Variants in NCOA4 observed in about 807,000 individuals in gnomAD.
The protein encoded by NCOA4 is 70 kDa AR-activator.
A neutral mutation model predicts 69.5 loss-of-function variants in NCOA4; 31 were observed. The observed-to-expected ratio is 0.45, with a 90% CI of 0.34 to 0.60. The LOEUF (loss-of-function observed/expected upper bound fraction) is 0.60, where lower values mean the gene tolerates loss of function less well. Ranked by LOEUF, NCOA4 falls within the 20% of genes least tolerant of loss-of-function variation. The probability of loss-of-function intolerance (pLI) is 0.02; values close to 1 mark genes in which losing one functional copy is unlikely to be tolerated. For synonymous variants in NCOA4, 228 were observed against 252.4 expected, an observed-to-expected ratio of 0.90 and a Z score of 0.92; for missense variants, 600 against 719.2, an observed-to-expected ratio of 0.83 and a Z score of 1.90.
At chr10:46,007,315 G>A (rs781891000) in intron 9 of NCOA4, among the ~76,000 whole-genome samples, 2 of 152,182 alleles carry the variant, frequency 1.3e-5, no homozygotes, top group Non-Finnish European at 2.9e-5. Context: ...CAGAAGTCAT[G>A]TTTGAAGCTA....
chr10:46,018,954 T>G (rs1554923837), intron 1 of NCOA4, among the ~76,000 whole-genome samples: 1 of 152,154 alleles, frequency 6.6e-6, no homozygotes, highest in Non-Finnish European at 1.5e-5. Context: ...AAGTGGTGAG[T>G]TCTTCCCTCA....
intron 7 of NCOA4, 66 bp from the exon 8 acceptor site, chr10:46,011,272 C>T: frequency 6.7e-7 from 1 of 1,482,756 alleles, no homozygotes; most frequent in South Asian, 1.4e-5. Flanking sequence ...ATTCTGTCTG[C>T]ACTTTTTCTT....
chr10:46,008,284 T>C (rs528341678), intron 9 of NCOA4, among the ~76,000 whole-genome samples: 3 of 152,358 alleles, frequency 2.0e-5, no homozygotes, highest in Non-Finnish European at 4.4e-5. Flanking sequence ...CTGGGCAAAG[T>C]AAACTGAAAA....
chr10:46,009,609 T>G, intron 8 of NCOA4, 58 bp from the exon 9 acceptor site: 2 of 1,479,344 alleles, frequency 1.4e-6, no homozygotes, highest in Non-Finnish European at 1.8e-6. Context: ...TGAGACCAAC[T>G]TATCTTCCAA....
At chr10:46,009,082 T>C in intron 9 of NCOA4, 2 of 1,257,144 alleles carry the variant, frequency 1.6e-6, no homozygotes, top group South Asian at 1.3e-5. Flanking sequence ...CTCTCTTTAT[T>C]GGGATATTTG....
intron 1 of NCOA4, chr10:46,023,303 C>T: frequency 1.0e-6 from 1 of 985,586 alleles, no homozygotes. Flanking sequence ...AGGGCTCCCG[C>T]TACGGCCCCT....
At chr10:46,017,173 A>T (rs1482491185) in intron 1 of NCOA4, among the ~76,000 whole-genome samples, 3 of 152,214 alleles carry the variant, frequency 2.0e-5, no homozygotes, top group Admixed American at 2.0e-4. Context: ...CGGAATTTTT[A>T]ATTTCCCCCT....
At chr10:46,025,243 G>A (rs1184270534) in intron 1 of NCOA4, among the ~76,000 whole-genome samples, 1 of 152,210 alleles carries the variant, frequency 6.6e-6, no homozygotes, top group East Asian at 1.9e-4. Context: ...TCCAAAGACA[G>A]GAGAGGAAGA....
Position 46,010,694 on chromosome 10 carries a change from G to T in NCOA4, c.1227C>A (p.Pro409=), listed in dbSNP as rs1554921114. The change falls in exon 8 of 10, where the codon CCC becomes CCA. Residue 409 remains proline, a synonymous_variant. Coordinates refer to ENST00000581486, the MANE Select transcript of NCOA4 (RefSeq NM_001145263.2). ...KVEEVCRANE[P]CTSFAECVCD... is the part of the protein sequence containing the mutation. ...ACACACACTCTGCAAAGCTTGTGCA[G>T]GGCTCATTGGCTCTGCACACCTCCT... The T allele has an allele frequency of 1.2e-6, 2 of 1,614,054 alleles. No homozygotes were observed.
intron 2 of NCOA4, among the ~76,000 whole-genome samples, chr10:46,015,904 G>A (rs2132343342): frequency 6.6e-6 from 1 of 152,234 alleles, no homozygotes; most frequent in South Asian, 2.1e-4. Flanking sequence ...GATTCAAACA[G>A]GGCTAAATAT....
At chr10:46,027,619 C>A in intron 1 of NCOA4, 1 of 726,936 alleles carries the variant, frequency 1.4e-6, no homozygotes, top group Non-Finnish European at 2.3e-6. Context: ...AATGCCATGG[C>A]CTTCTACAGT....
chr10:46,011,223 C>G lies in NCOA4; in HGVS notation c.715-17G>C, dbSNP rs73314064. On this transcript the variant is annotated splice_polypyrimidine_tract_variant and intron_variant, in intron 7 of 9. Coordinates refer to ENST00000581486, the MANE Select transcript of NCOA4 (RefSeq NM_001145263.2). The stretch of plus-strand genomic sequence containing the variant: ...GGAAGAAGTCTACACAAAAAGTACA[C>G]AGTATTAGTTTGCCAGAACAATTAT... 2.6e-6 allele frequency: 4 copies of G among 1,562,796 alleles called. No homozygotes were observed. The highest frequency in any genetic ancestry group is 4.1e-5 in the Admixed American group (2 of 49,088).
intron 1 of NCOA4, chr10:46,022,468 GTTTT>G (rs782520160): frequency 4.8e-6 from 2 of 415,666 alleles, no homozygotes; most frequent in Non-Finnish European, 1.0e-5. Flanking sequence ...TTGGTTTTGG[GTTTT>G]TTTTTTGTTT....
chr10:46,011,670 T>C (rs1839214071), intron 7 of NCOA4, among the ~76,000 whole-genome samples: 1 of 152,234 alleles, frequency 6.6e-6, no homozygotes, highest in East Asian at 1.9e-4. Flanking sequence ...TCTTATCTGA[T>C]AGAAAAGGGT....
At chr10:46,020,534 C>A (rs1839810685) in intron 1 of NCOA4, among the ~76,000 whole-genome samples, 1 of 152,174 alleles carries the variant, frequency 6.6e-6, no homozygotes, top group African/African-American at 2.4e-5. Flanking sequence ...GGGCTATGAC[C>A]TTGCACCATT....
intron 1 of NCOA4, among the ~76,000 whole-genome samples, chr10:46,030,078 C>A (rs1479527344): frequency 6.6e-6 from 1 of 152,226 alleles, no homozygotes; most frequent in Admixed American, 6.5e-5. Context: ...GTTCTGTGCC[C>A]GTCCGGCAAA....
Position 46,010,287 on chromosome 10 carries a change from T to A in NCOA4, c.1634A>T (p.Lys545Met). ...AGATAACTGGCTGAGGTTGCCCATCTTCTTTCCTGGCAGGACCCAGTCAGC... is the reference window on the plus strand; with the variant it reads ...AGATAACTGGCTGAGGTTGCCCATCATCTTTCCTGGCAGGACCCAGTCAGC... ...NTADWVLPGK[K>M]MGNLSQLSSG... The change falls in exon 8 of 10, where the codon AAG (lysine) becomes ATG (methionine). Residue 545 changes from lysine (K) to methionine (M), a missense_variant. By Grantham distance (95) the Lys-to-Met change is moderately conservative (BLOSUM62 -1). Transcript: ENST00000581486. The A allele has an allele frequency of 1.2e-6, 2 of 1,613,946 alleles. No individual in the cohort carries two copies. Among genetic ancestry groups the A allele is most frequent in the Non-Finnish European group, 1.7e-6 (2 of 1,179,958 alleles).
At chr10:46,023,655 C>T (rs1241459001) in intron 1 of NCOA4, among the ~76,000 whole-genome samples, 1 of 152,242 alleles carries the variant, frequency 6.6e-6, no homozygotes, top group Non-Finnish European at 1.5e-5. Flanking sequence ...AGAAGGACCT[C>T]GGATGGCACC....
At chr10:46,014,334 G>T (rs918693290) in intron 5 of NCOA4, 110 bp downstream of exon 5, 8 of 789,458 alleles carry the variant, frequency 1.0e-5, no homozygotes, top group African/African-American at 7.0e-5. Flanking sequence ...TGAAATTTTT[G>T]AAGCTAATCA....
Sources: gnomAD v4.1 joint callset for allele counts (sites outside exome capture counted in the v4.1 genomes callset) on GRCh38, gnomAD v4.1.1 for gene constraint, MANE v1.5 for transcripts, NCBI Gene and HGNC (gene_info 2026-07-23, HGNC 2026-07-21) for gene names.